HDAC4: variants seen among roughly 807,000 people sequenced by gnomAD.
HDAC4 encodes histone deacetylase A.
In HDAC4, 16 loss-of-function variants were observed where a neutral mutation model predicts 135.1. The ratio of observed to expected loss-of-function variants is 0.12; its 90% CI spans 0.08 to 0.18. The LOEUF is 0.18. Among genes scored for constraint, HDAC4 ranks in the 10% least tolerant of loss-of-function variants. The probability of loss-of-function intolerance (pLI) is 1.00; values close to 1 mark genes in which losing one functional copy is unlikely to be tolerated. For synonymous variants in HDAC4, 685 were observed against 653.4 expected (o/e 1.05, Z -0.74); for missense variants, 1,143 against 1,511.8 (o/e 0.76, Z 4.05).
chr2:239,256,751 A>G (rs1351266562), intron 2 of HDAC4, among the ~76,000 whole-genome samples: 5 of 152,240 alleles, frequency 3.3e-5, no homozygotes, highest in African/African-American at 9.6e-5. Context: ...GGAAACAGAT[A>G]ATGTGGAGAA....
chr2:239,120,829 G>A (rs1399261024), intron 12 of HDAC4, among the ~76,000 whole-genome samples: 1 of 151,966 alleles, frequency 6.6e-6, no homozygotes, highest in Non-Finnish European at 1.5e-5. Flanking sequence ...TGGAGGACAA[G>A]GCAGCTGAGG....
chr2:239,059,541 C>T (rs1298014427), intron 24 of HDAC4, among the ~76,000 whole-genome samples: 2 of 152,178 alleles, frequency 1.3e-5, no homozygotes, highest in African/African-American at 4.8e-5. Flanking sequence ...GCCAAGAAAT[C>T]TGAAGAAATT....
intron 1 of HDAC4, among the ~76,000 whole-genome samples, chr2:239,375,213 C>T (rs889156575): frequency 6.6e-6 from 1 of 152,224 alleles, no homozygotes; most frequent in East Asian, 1.9e-4. Context: ...AAGAAGTCAG[C>T]AGAGCCAGGG....
chr2:239,225,595 C>T lies in HDAC4; in HGVS notation c.94+10998G>A, dbSNP rs3791615. Among the ~76,000 whole-genome samples, 984 of 152,282 alleles carry T rather than the reference C, an allele frequency of 6.5e-3. 22 individuals are homozygous for T. In the East Asian group the frequency reaches 0.072, roughly 11 times the overall value. On this transcript the variant is annotated intron_variant, in intron 3 of 26. Transcript: ENST00000543185. The stretch of plus-strand genomic sequence containing the variant: ...GAGCAGGAGAGGGAAGCCAGGAAGG[C>T]GGGGAAGGCAGGTCGGCAGGGGAGG...
intron 2 of HDAC4, among the ~76,000 whole-genome samples, chr2:239,305,757 G>C (rs530723378): frequency 6.6e-6 from 1 of 152,152 alleles, no homozygotes; most frequent in African/African-American, 2.4e-5. Flanking sequence ...GCCACGAAAC[G>C]TGTATTTCGA....
At chr2:239,178,719 T>C (rs2043936544) in intron 4 of HDAC4, among the ~76,000 whole-genome samples, 1 of 152,094 alleles carries the variant, frequency 6.6e-6, no homozygotes, top group South Asian at 2.1e-4. Context: ...TTGCTCCCCT[T>C]ATGGAGGAAG....
In HDAC4 at chr2:239,115,116, C is replaced by A. The variant is rs2039015266; in HGVS notation, c.1728G>T (p.Glu576Asp). 6.2e-7 allele frequency: 1 copy of A among 1,611,900 alleles called. No individual in the cohort carries two copies. The change falls in exon 13 of 27, where the codon GAG (glutamate) becomes GAT (aspartate). Residue 576 changes from glutamate (E) to aspartate (D), a missense_variant. Physicochemically the swap from Glu to Asp is conservative, Grantham distance 45. This residue lies in a region of HDAC4 where 196 missense variants were observed against 210.7 expected (regional missense o/e 0.93). Transcript: ENST00000543185. This position sits in a 1 kb window ranked among gnomAD's most constrained non-coding sequence, Gnocchi z 6.3. ...EPIESDEEEA[E>D]PPREVEPGQR... Reference sequence around the variant, plus strand: ...GGCCCGGCTCCACCTCCCGTGGGGGCTCTGCCTCTTCCTCATCGCTCTCAA... The same window carrying A: ...GGCCCGGCTCCACCTCCCGTGGGGGATCTGCCTCTTCCTCATCGCTCTCAA...
chr2:239,347,781 C>T (rs1361121419), intron 2 of HDAC4, among the ~76,000 whole-genome samples: 3 of 152,190 alleles, frequency 2.0e-5, no homozygotes, highest in Admixed American at 2.0e-4. Flanking sequence ...TCTCAAAGCA[C>T]GAGGATTACA....
chr2:239,288,981 G>A (rs1269277100), intron 2 of HDAC4, among the ~76,000 whole-genome samples: 2 of 152,224 alleles, frequency 1.3e-5, no homozygotes, highest in Non-Finnish European at 2.9e-5. Context: ...TTGCAGGGAG[G>A]GGGCTGAGAC....
intron 7 of HDAC4, among the ~76,000 whole-genome samples, chr2:239,147,504 C>T (rs1398740019): frequency 3.9e-5 from 6 of 152,264 alleles, no homozygotes; most frequent in Admixed American, 1.3e-4. Context: ...CGAGGCTGCA[C>T]GTGTACTGGC....
intron 1 of HDAC4, among the ~76,000 whole-genome samples, chr2:239,378,416 G>A (rs867929241): frequency 2.9e-4 from 44 of 152,286 alleles, no homozygotes; most frequent in African/African-American, 1.0e-3. Flanking sequence ...CATGCTCAAC[G>A]TGACCACGGC....
intron 2 of HDAC4, among the ~76,000 whole-genome samples, chr2:239,314,917 C>A (rs1003682055): frequency 1.3e-5 from 2 of 152,112 alleles, no homozygotes; most frequent in Non-Finnish European, 2.9e-5. Flanking sequence ...GACGGGCATT[C>A]AGATGTGCCT....
At chr2:239,214,187 C>T (rs1197837701) in intron 3 of HDAC4, among the ~76,000 whole-genome samples, 1 of 152,226 alleles carries the variant, frequency 6.6e-6, no homozygotes, top group Non-Finnish European at 1.5e-5. Flanking sequence ...CTTCTGCAGG[C>T]TCCAGGGGAG....
intron 3 of HDAC4, among the ~76,000 whole-genome samples, chr2:239,196,026 T>C (rs1429395731): frequency 2.0e-5 from 3 of 152,206 alleles, no homozygotes; most frequent in Admixed American, 6.5e-5. Context: ...ATTCTTTAGG[T>C]AACACAGTCA....
chr2:239,084,588 C>G (rs1306951134), intron 19 of HDAC4, among the ~76,000 whole-genome samples: 1 of 151,276 alleles, frequency 6.6e-6, no homozygotes, highest in African/African-American at 2.4e-5. Context: ...ACACCACAGA[C>G]AGAGACACAC....
At chr2:239,100,337 G>T (rs2037497658) in intron 16 of HDAC4, among the ~76,000 whole-genome samples, 1 of 152,258 alleles carries the variant, frequency 6.6e-6, no homozygotes, top group African/African-American at 2.4e-5. Context: ...TCTGGGAGAT[G>T]ACATCACCGT....
Position 239,313,815 on chromosome 2 carries a change from G to A in HDAC4, c.22+38863C>T, listed in dbSNP as rs2052998877. On this transcript the variant is annotated intron_variant, in intron 2 of 26. Coordinates refer to ENST00000543185, the MANE Select transcript of HDAC4 (RefSeq NM_001378414.1). This position sits in a 1 kb window ranked among gnomAD's most constrained non-coding sequence, Gnocchi z 5.1. ...GAGTGAGGAATATACTCCAAAGACA[G>A]GAATTCAAGGCAGGGCAAATAGAAC... 2.0e-5 allele frequency among the ~76,000 whole-genome samples: 3 copies of A among 152,200 alleles called. No individual in the cohort carries two copies. In the South Asian group the frequency reaches 6.2e-4, roughly 32 times the overall value.
rs539638665 is a variant in HDAC4, at chr2:239,373,615, C to A, written c.-219-20697G>T. ...AGTAGCTGGGATTACAGGCGTGCAC[C>A]ACCACGCCCAGCTAATTTTTGTATT... On this transcript the variant is annotated intron_variant, in intron 1 of 26. Transcript: ENST00000543185. Among the ~76,000 whole-genome samples the A allele has an allele frequency of 2.0e-5, 3 of 152,254 alleles. No individual in the cohort carries two copies. The South Asian group carries it at 6.2e-4, about 32-fold the overall frequency.
intron 1 of HDAC4, among the ~76,000 whole-genome samples, chr2:239,392,119 C>T (rs753505268): frequency 5.3e-5 from 8 of 152,230 alleles, no homozygotes; most frequent in Non-Finnish European, 1.2e-4. Context: ...TGGCCCAGCC[C>T]GGCTGCTACC....
Sources: allele counts gnomAD v4.1 joint callset (sites outside exome capture counted in the v4.1 genomes callset), GRCh38; gene constraint gnomAD v4.1.1; regional missense constraint gnomAD v4.1.1; non-coding constraint Gnocchi (gnomAD v3.1); transcripts MANE v1.5; gene names NCBI Gene and HGNC (gene_info 2026-07-23, HGNC 2026-07-21).